FAM178B: variants seen among roughly 807,000 people sequenced by gnomAD.
FAM178B encodes protein FAM178B.
In FAM178B, 82 loss-of-function variants were observed where a neutral mutation model predicts 91.7. That is an observed-to-expected ratio of 0.89 (90% CI 0.75 to 1.07). The LOEUF (loss-of-function observed/expected upper bound fraction) is 1.07, where lower values mean the gene tolerates loss of function less well. Ranked by LOEUF, FAM178B falls within the 50% of genes least tolerant of loss-of-function variation. FAM178B has a pLI of 0.00. For synonymous variants in FAM178B, 368 were observed against 359.4 expected, an observed-to-expected ratio of 1.02 and a Z score of -0.27; for missense variants, 769 against 846.7, an observed-to-expected ratio of 0.91 and a Z score of 1.14.
intron 13 of FAM178B, among the ~76,000 whole-genome samples, chr2:96,898,564 G>T (rs2080866200): frequency 1.3e-5 from 2 of 152,190 alleles, no homozygotes; most frequent in South Asian, 4.1e-4. Context: ...TGAGGTGGGA[G>T]GATCACCTGA....
chr2:96,942,479 G>A (rs547061516), intron 8 of FAM178B, among the ~76,000 whole-genome samples: 26 of 152,104 alleles, frequency 1.7e-4, no homozygotes, highest in African/African-American at 4.8e-4. Flanking sequence ...TGCAACCTCC[G>A]CCTCCTAGGT....
intron 9 of FAM178B, among the ~76,000 whole-genome samples, chr2:96,928,975 C>T (rs1245997968): frequency 1.0e-5 from 1 of 95,616 alleles, no homozygotes; most frequent in Admixed American, 9.4e-5. Flanking sequence ...CGTAGGGAGA[C>T]CCCCCCCCGC....
intron 9 of FAM178B, among the ~76,000 whole-genome samples, chr2:96,927,719 A>G (rs1334939985): frequency 6.6e-6 from 1 of 152,174 alleles, no homozygotes; most frequent in Non-Finnish European, 1.5e-5. Context: ...TCCTGGGAGA[A>G]CCGGGAGGCA....
intron 1 of FAM178B, 21 bp from the exon 2 acceptor site, chr2:96,972,627 G>A (rs1339264706): frequency 6.5e-7 from 1 of 1,549,510 alleles, no homozygotes; most frequent in African/African-American, 1.4e-5. Context: ...GCGCCTGTGA[G>A]GGCAGGTGAA....
intron 13 of FAM178B, chr2:96,898,090 C>T: frequency 1.0e-6 from 1 of 985,768 alleles, no homozygotes; most frequent in Non-Finnish European, 1.2e-6. Flanking sequence ...CAGATCCAGC[C>T]CCAGGTCCTC....
intron 14 of FAM178B, among the ~76,000 whole-genome samples, chr2:96,879,706 C>T (rs1041520751): frequency 2.0e-5 from 3 of 152,246 alleles, no homozygotes; most frequent in African/African-American, 7.2e-5. Context: ...ACCAGGTGGC[C>T]TTGCACACGG....
intron 9 of FAM178B, among the ~76,000 whole-genome samples, chr2:96,927,897 T>G (rs998157432): frequency 6.6e-6 from 1 of 152,090 alleles, no homozygotes; most frequent in Non-Finnish European, 1.5e-5. Context: ...TCTTTCTGAG[T>G]GTAATTCTCT....
intron 14 of FAM178B, among the ~76,000 whole-genome samples, chr2:96,879,651 C>G (rs1369158170): frequency 6.6e-6 from 1 of 152,278 alleles, no homozygotes; most frequent in Non-Finnish European, 1.5e-5. Flanking sequence ...GCCTGTTCTC[C>G]CACACAACGG....
In FAM178B at chr2:96,878,467, C is replaced by T. The variant is rs1238565353; in HGVS notation, c.1803G>A (p.Leu601=). The change falls in exon 15 of 17, where the codon CTG becomes CTA. Residue 601 remains leucine (L), a synonymous_variant. Coordinates refer to ENST00000490605, the MANE Select transcript of FAM178B (RefSeq NM_001122646.3). ...AGCTAACAACTACCCCGGCCAGCATCAGCAAGCTGTGGCACAGGTAGCAGG... is the reference window on the plus strand; with the variant it reads ...AGCTAACAACTACCCCGGCCAGCATTAGCAAGCTGTGGCACAGGTAGCAGG... ...HKACYLCHSL[L]MLAGVVVSCQ... 5 of 1,613,980 alleles carry T rather than the reference C, an allele frequency of 3.1e-6. No individual in the cohort carries two copies. The highest frequency in any genetic ancestry group is 3.4e-6 in the Non-Finnish European group (4 of 1,180,012).
chr2:96,889,280 A>G (rs1156354870), intron 14 of FAM178B, among the ~76,000 whole-genome samples: 3 of 152,210 alleles, frequency 2.0e-5, no homozygotes, highest in Non-Finnish European at 4.4e-5. Flanking sequence ...CAGTCCCCAA[A>G]TTTAACCAAC....
At chr2:96,967,661 G>T in intron 4 of FAM178B, 34 bp from the exon 5 acceptor site, 1 of 1,428,628 alleles carries the variant, frequency 7.0e-7, no homozygotes, top group Non-Finnish European at 9.6e-7. Flanking sequence ...CCGGGGGTCA[G>T]TGTTGTTCCC....
chr2:96,931,855 T>G (rs2153371811), intron 8 of FAM178B, among the ~76,000 whole-genome samples: 1 of 151,232 alleles, frequency 6.6e-6, no homozygotes, highest in East Asian at 1.9e-4. Context: ...CTTGTTTGTT[T>G]GTTTTTTTTT....
chr2:96,961,312 G>GGTGT (rs70964889), intron 5 of FAM178B, among the ~76,000 whole-genome samples: 17,109 of 146,718 alleles, frequency 0.12, 1,037 homozygotes, highest in Middle Eastern at 0.2. Context: ...AGCAGCAGAG[G>GGTGT]GTGTGTGTGT....
At chr2:96,972,838 G>T (rs2082241193) in intron 1 of FAM178B, among the ~76,000 whole-genome samples, 1 of 151,992 alleles carries the variant, frequency 6.6e-6, no homozygotes, top group Non-Finnish European at 1.5e-5. Context: ...TCTTTTTTTA[G>T]ACGGAGTCTC....
Position 96,877,919 on chromosome 2 carries a change from G to A in FAM178B, c.1978C>T (p.Gln660Ter). The change falls in exon 16 of 17, where the codon CAG becomes TAG. Residue 660 changes from glutamine to a stop codon, truncating the protein, a stop_gained. Coordinates refer to ENST00000490605, the MANE Select transcript of FAM178B (RefSeq NM_001122646.3). LOFTEE classifies it high-confidence loss of function. ...GGCTGGCAGTGGGTCAGCAGCTCCT[G>A]CCAACGGATGTAGGTCTGGGTAGCC... ...DLATQTYIRW[Q>*]ELLTHCQPQA... 1 of 1,613,654 alleles carries A rather than the reference G, an allele frequency of 6.2e-7. No individual in the cohort carries two copies. The highest frequency in any genetic ancestry group is 8.5e-7 in the Non-Finnish European group (1 of 1,179,994).
At chr2:96,919,294 G>T (rs2081293947) in intron 12 of FAM178B, among the ~76,000 whole-genome samples, 1 of 152,186 alleles carries the variant, frequency 6.6e-6, no homozygotes, top group Non-Finnish European at 1.5e-5. Flanking sequence ...GGATGAGGGG[G>T]CCTAGGGACC....
At chr2:96,909,091 C>A (rs1559066626) in intron 12 of FAM178B, among the ~76,000 whole-genome samples, 1 of 148,562 alleles carries the variant, frequency 6.7e-6, no homozygotes, top group Non-Finnish European at 1.5e-5. Context: ...TGCAGTGAGC[C>A]GACATCACGC....
intron 4 of FAM178B, among the ~76,000 whole-genome samples, chr2:96,968,109 G>T (rs1470445904): frequency 6.6e-6 from 1 of 151,378 alleles, no homozygotes; most frequent in Non-Finnish European, 1.5e-5. Flanking sequence ...ACACACCAAG[G>T]CCTAGGGCTA....
At chr2:96,877,569 A>G (rs1460950037) in intron 16 of FAM178B, among the ~76,000 whole-genome samples, 1 of 152,020 alleles carries the variant, frequency 6.6e-6, no homozygotes, top group Non-Finnish European at 1.5e-5. Context: ...CGCCCGGCTA[A>G]TTTTTTTAAT....
Sources: allele counts gnomAD v4.1 joint callset (sites outside exome capture counted in the v4.1 genomes callset), GRCh38; gene constraint gnomAD v4.1.1; transcripts MANE v1.5; gene names NCBI Gene and HGNC (gene_info 2026-07-23, HGNC 2026-07-21).